ASPH: variants seen among roughly 807,000 people sequenced by gnomAD.
ASPH encodes aspartyl/asparaginyl beta-hydroxylase.
ASPH carries 100 observed loss-of-function variants against 118.4 expected under a neutral mutation model. The ratio of observed to expected loss-of-function variants is 0.84; its 90% confidence interval spans 0.72 to 1.00. The LOEUF (loss-of-function observed/expected upper bound fraction) is 1.00, where lower values mean the gene tolerates loss of function less well. ASPH is among the 50% of genes least tolerant of loss of function. ASPH has a pLI of 0.00. For missense variants in ASPH, 920 were observed against 919.5 expected (o/e 1.00, Z -0.01); for synonymous variants, 315 against 325.6 (o/e 0.97, Z 0.35).
chr8:61,563,438 C>T (rs569683497), intron 17 of ASPH, among the ~76,000 whole-genome samples: 5 of 152,224 alleles, frequency 3.3e-5, no homozygotes, highest in East Asian at 1.9e-4. Flanking sequence ...GGGGCCCTCT[C>T]GTGGACAAAG....
intron 1 of ASPH, among the ~76,000 whole-genome samples, chr8:61,696,102 T>G (rs1490713714): frequency 1.3e-5 from 2 of 152,100 alleles, no homozygotes; most frequent in Non-Finnish European, 2.9e-5. Flanking sequence ...TGATTGATCT[T>G]GGATGACTGT....
chr8:61,574,640 T>G (rs533188111), intron 16 of ASPH, among the ~76,000 whole-genome samples: 2 of 151,646 alleles, frequency 1.3e-5, no homozygotes, highest in Admixed American at 6.6e-5. Flanking sequence ...TAAGTGGGAG[T>G]TGAACAATGA....
intron 13 of ASPH, among the ~76,000 whole-genome samples, chr8:61,620,039 C>A (rs989730234): frequency 1.3e-5 from 2 of 152,168 alleles, no homozygotes; most frequent in African/African-American, 4.8e-5. Context: ...CACATTCATT[C>A]ATATAAAACA....
intron 6 of ASPH, 43 bp downstream of exon 6, chr8:61,646,707 T>C (rs778727230): frequency 6.4e-7 from 1 of 1,569,964 alleles, no homozygotes; most frequent in South Asian, 1.2e-5. Context: ...TTAGAAGTCA[T>C]TGATTATATT....
rs756436526 is a variant in ASPH at position 61,646,822 on chromosome 8, C to T, written c.547G>A (p.Asp183Asn). The part of the protein sequence containing the change: ...DGPTGEPQQE[D>N]DEFLMATDVD... ...TCAGTCGCCATAAGAAACTCATCAT[C>T]CTCTTGTTGTGGTTCTCCTGTGGGT... is the stretch of plus-strand genomic sequence containing the variant. Residue 183 changes from aspartate to asparagine, a missense_variant, in exon 6 of 25, where the codon GAT (aspartate) becomes AAT (asparagine). Transcript: ENST00000379454. 1.2e-6 allele frequency: 2 copies of T among 1,614,000 alleles called. No individual in the cohort carries two copies. The highest frequency in any genetic ancestry group is 1.7e-6 in the Non-Finnish European group (2 of 1,179,918).
intron 12 of ASPH, among the ~76,000 whole-genome samples, chr8:61,635,534 T>C (rs1438508229): frequency 6.6e-6 from 1 of 152,028 alleles, no homozygotes; most frequent in Admixed American, 6.6e-5. Flanking sequence ...GGGCGTTTTA[T>C]TTTCTCTCCT....
intron 24 of ASPH, among the ~76,000 whole-genome samples, chr8:61,513,505 G>A (rs529102297): frequency 6.6e-4 from 100 of 152,160 alleles, no homozygotes; most frequent in Non-Finnish European, 1.1e-3. Context: ...TAAAAAGAAC[G>A]TGGAGAAGGG....
At chr8:61,574,174 C>T (rs1380830371) in intron 16 of ASPH, among the ~76,000 whole-genome samples, 3 of 151,942 alleles carry the variant, frequency 2.0e-5, no homozygotes, top group Non-Finnish European at 2.9e-5. Flanking sequence ...GTTAGAATGG[C>T]GATCATTAAA....
At chr8:61,529,779 G>A (rs1322434426) in intron 21 of ASPH, among the ~76,000 whole-genome samples, 1 of 152,162 alleles carries the variant, frequency 6.6e-6, no homozygotes, top group Non-Finnish European at 1.5e-5. Flanking sequence ...ATTCAATTCT[G>A]GTGAGGGCCA....
chr8:61,706,457 G>A lies in ASPH; in HGVS notation c.103+7812C>T, dbSNP rs1166888787. On this transcript the variant is annotated intron_variant, in intron 1 of 24. Coordinates refer to ENST00000379454, the MANE Select transcript of ASPH (RefSeq NM_004318.4). ...AGAAGAAGAAGAAGAAGAAGAAGAA[G>A]GAGGAAGAGGAAGAAGAAGAAGAAA... is the stretch of plus-strand genomic sequence containing the variant. Among the ~76,000 whole-genome samples the A allele has an allele frequency of 4.2e-3, 531 of 126,538 alleles. 2 individuals carry two copies. The highest frequency in any genetic ancestry group is 0.024 in the Middle Eastern group (6 of 246). 83.0% of individuals were successfully genotyped at this position (126,538 alleles called of 152,430 possible).
chr8:61,638,264 TAACAA>T (rs1398931917), intron 11 of ASPH, 53 bp downstream of exon 11: 1 of 1,571,698 alleles, frequency 6.4e-7, no homozygotes, highest in Non-Finnish European at 8.6e-7. Flanking sequence ...GTAGGAGTTT[TAACAA>T]AATACAGGGA....
At chr8:61,703,565 A>T (rs1179501156) in intron 1 of ASPH, among the ~76,000 whole-genome samples, 2 of 152,182 alleles carry the variant, frequency 1.3e-5, no homozygotes, top group Admixed American at 1.3e-4. Context: ...TAACAGAAAA[A>T]TGCGTAAAAA....
Position 61,578,423 on chromosome 8 carries a change from C to A in ASPH, c.1063-1565G>T, listed in dbSNP as rs550562949. 3.6e-5 allele frequency: 58 copies of A among 1,603,024 alleles called. No homozygotes were observed. In the South Asian group the frequency reaches 6.3e-4, roughly 17 times the overall value. ...TGGGAGGCATCACCGCAGTCATGGT[C>A]AACCAGAGCCTACTGAGCCCCCTTG... is the stretch of plus-strand genomic sequence containing the variant. On this transcript the variant is annotated intron_variant, in intron 15 of 24. Transcript: ENST00000379454.
At position 61,682,509 on chromosome 8, in the gene ASPH, C is replaced by T. The variant is rs3750278; in HGVS notation, c.254-1473G>A. On this transcript the variant is annotated intron_variant, in intron 2 of 24. Transcript: ENST00000379454. Reference sequence around the variant, plus strand: ...CTGCATGCATGTAAAAACATGAAAACTGTTATTTGTGCTTAAAGGTACAAA... The same window carrying T: ...CTGCATGCATGTAAAAACATGAAAATTGTTATTTGTGCTTAAAGGTACAAA... 0.82 allele frequency: 1,317,183 copies of T among 1,603,374 alleles called. 542,470 individuals carry two copies. The highest frequency in any genetic ancestry group is 0.88 in the African/African-American group (65,586 of 74,648).
intron 15 of ASPH, among the ~76,000 whole-genome samples, chr8:61,577,561 A>G (rs932356064): frequency 6.6e-6 from 1 of 152,210 alleles, no homozygotes; most frequent in African/African-American, 2.4e-5. Context: ...AATACCTGAG[A>G]CTGGATAATT....
chr8:61,664,491 G>T, intron 3 of ASPH: 1 of 984,750 alleles, frequency 1.0e-6, no homozygotes, highest in Admixed American at 6.1e-5. Context: ...CACAGTTCTC[G>T]GAGCAGTGTA....
At chr8:61,642,664 G>C (rs1227665501) in intron 10 of ASPH, among the ~76,000 whole-genome samples, 2 of 152,024 alleles carry the variant, frequency 1.3e-5, no homozygotes, top group Non-Finnish European at 2.9e-5. Flanking sequence ...TCGGGAGTTT[G>C]AGATAAACCC....
intron 22 of ASPH, among the ~76,000 whole-genome samples, chr8:61,520,798 GT>G (rs1812680112): frequency 6.6e-6 from 1 of 152,188 alleles, no homozygotes; most frequent in Non-Finnish European, 1.5e-5. Flanking sequence ...GTGGCCTGGA[GT>G]TCTCACAAGC....
chr8:61,542,622 T>C (rs1236307806), intron 21 of ASPH, among the ~76,000 whole-genome samples: 1 of 152,184 alleles, frequency 6.6e-6, no homozygotes, highest in African/African-American at 2.4e-5. Context: ...TGGAATAAGA[T>C]AGAAGAAAAA....
Sources: gnomAD v4.1 joint callset for allele counts (sites outside exome capture counted in the v4.1 genomes callset) on GRCh38, gnomAD v4.1.1 for gene constraint, MANE v1.5 for transcripts, NCBI Gene and HGNC (gene_info 2026-07-23, HGNC 2026-07-21) for gene names.